The following FER1L6 variants were observed in gnomAD, a reference collection of about 807,000 sequenced individuals.
The protein encoded by FER1L6 is fer-1-like protein 6.
In FER1L6, 177 loss-of-function variants were observed where a neutral mutation model predicts 219.2. The observed-to-expected ratio is 0.81, with a 90% CI of 0.71 to 0.91. The LOEUF is 0.91. Ranked by LOEUF, FER1L6 falls within the 40% of genes least tolerant of loss-of-function variation. FER1L6 has a pLI of 0.00. For missense variants in FER1L6, 2,153 were observed against 2,259.9 expected, an observed-to-expected ratio of 0.95 and a Z score of 0.96; for synonymous variants, 768 against 824.3, an observed-to-expected ratio of 0.93 and a Z score of 1.17.
In FER1L6 at chr8:124,021,661, G is replaced by T. The variant is rs190330236; in HGVS notation, c.2125G>T (p.Val709Phe). 6.2e-7 allele frequency: 1 copy of T among 1,614,120 alleles called. No individual in the cohort carries two copies. Among genetic ancestry groups the T allele is most frequent in the South Asian group, 1.1e-5 (1 of 91,066 alleles). The stretch of plus-strand genomic sequence containing the variant: ...CTTTGTGGAAAAAATCCGCTTTCTT[G>T]TTGATGAGGTAACTGACTCTAAAGG... ...QNFVEKIRFL[V>F]DEPQHTIPDV... The change falls in exon 17 of 41, where the codon GTT becomes TTT. Residue 709 changes from valine to phenylalanine, a missense_variant. Physicochemically the swap from Val to Phe is conservative, Grantham distance 50 (BLOSUM62 -1). Coordinates refer to ENST00000522917, the MANE Select transcript of FER1L6 (RefSeq NM_001039112.2).
chr8:123,907,866 G>A (rs1209479986), intron 1 of FER1L6, among the ~76,000 whole-genome samples: 1 of 151,792 alleles, frequency 6.6e-6, no homozygotes, highest in African/African-American at 2.4e-5. Flanking sequence ...CAGAGGGGCA[G>A]TAAACTTACA....
At chr8:124,041,786 A>G (rs942182854) in intron 20 of FER1L6, among the ~76,000 whole-genome samples, 2 of 152,156 alleles carry the variant, frequency 1.3e-5, no homozygotes, top group African/African-American at 4.8e-5. Context: ...CTGTGTTTTG[A>G]GAGTTAGTAT....
At chr8:123,981,167 G>A (rs778998192) in intron 11 of FER1L6, among the ~76,000 whole-genome samples, 22 of 152,204 alleles carry the variant, frequency 1.4e-4, no homozygotes, top group Non-Finnish European at 3.1e-4. Flanking sequence ...CTTAGAGTAA[G>A]CTCCGGATGG....
At chr8:124,081,694 T>G (rs777776511) in intron 32 of FER1L6, among the ~76,000 whole-genome samples, 1 of 152,098 alleles carries the variant, frequency 6.6e-6, no homozygotes, top group Non-Finnish European at 1.5e-5. Context: ...CAATTCTATG[T>G]TTTTATAATT....
At chr8:124,059,888 G>A (rs1037392176) in intron 22 of FER1L6, among the ~76,000 whole-genome samples, 2 of 152,120 alleles carry the variant, frequency 1.3e-5, no homozygotes, top group African/African-American at 4.8e-5. Context: ...AAGTTGTAAA[G>A]ACCATCTTCC....
intron 12 of FER1L6, among the ~76,000 whole-genome samples, chr8:123,989,062 CT>C (rs148822985): frequency 0.028 from 4,291 of 152,054 alleles, 115 homozygotes; most frequent in African/African-American, 0.069. Context: ...TTATCAAATG[CT>C]TTTTCAACAT....
chr8:123,976,377 G>T (rs569747146), intron 9 of FER1L6, among the ~76,000 whole-genome samples: 1 of 152,174 alleles, frequency 6.6e-6, no homozygotes, highest in South Asian at 2.1e-4. Flanking sequence ...GGGCGTGGTG[G>T]TGCACCCCTG....
In FER1L6 at chr8:124,003,351, G is replaced by A. The variant is rs142694746; in HGVS notation, c.1700+4G>A. Reference sequence around the variant, plus strand: ...CACTGGTGACAGAAGGGAACAGGTAGGAGACATAGCCTGGGAGAACAGTCA... The same window carrying A: ...CACTGGTGACAGAAGGGAACAGGTAAGAGACATAGCCTGGGAGAACAGTCA... On this transcript the variant is annotated splice_donor_region_variant and intron_variant, in intron 13 of 40. Coordinates refer to ENST00000522917, the MANE Select transcript of FER1L6 (RefSeq NM_001039112.2). 4 of 1,604,496 alleles carry A rather than the reference G, an allele frequency of 2.5e-6. No homozygotes were observed. In the East Asian group the frequency reaches 9.0e-5, roughly 36 times the overall value.
chr8:123,949,470 G>A (rs1349005026), intron 1 of FER1L6, among the ~76,000 whole-genome samples: 1 of 152,160 alleles, frequency 6.6e-6, no homozygotes, highest in African/African-American at 2.4e-5. Flanking sequence ...TGTTCCTGAG[G>A]TTATAAACAT....
chr8:123,966,455 G>A (rs549914346), intron 5 of FER1L6, among the ~76,000 whole-genome samples, 165 bp downstream of exon 5: 1 of 152,248 alleles, frequency 6.6e-6, no homozygotes, highest in Admixed American at 6.5e-5. Flanking sequence ...GCCCCCTAAA[G>A]CTTTTCACAA....
intron 32 of FER1L6, among the ~76,000 whole-genome samples, chr8:124,077,647 G>C (rs760275642): frequency 9.9e-5 from 15 of 152,086 alleles, no homozygotes; most frequent in Non-Finnish European, 1.9e-4. Flanking sequence ...CTTTTTATGA[G>C]CTACTTTCAC....
Position 124,003,361 on chromosome 8 carries a change from C to T in FER1L6, c.1700+14C>T, listed in dbSNP as rs557894282. 7.6e-5 allele frequency: 122 copies of T among 1,595,148 alleles called. No homozygotes were observed. The Middle Eastern group carries it at 1.5e-3, about 19-fold the overall frequency. On this transcript the variant is annotated intron_variant, in intron 13 of 40. Transcript: ENST00000522917. ...AGAAGGGAACAGGTAGGAGACATAG[C>T]CTGGGAGAACAGTCAAGGATTTTGC...
chr8:124,037,331 C>G (rs1371722590), intron 19 of FER1L6, among the ~76,000 whole-genome samples: 5 of 152,184 alleles, frequency 3.3e-5, no homozygotes, highest in Admixed American at 6.5e-5. Context: ...TGCTAAGGAA[C>G]ACGTGGGCCA....
chr8:123,978,062 G>T (rs1816172086), intron 10 of FER1L6, among the ~76,000 whole-genome samples: 1 of 151,936 alleles, frequency 6.6e-6, no homozygotes, highest in African/African-American at 2.4e-5. Context: ...CTACTGTAGG[G>T]TCTGTGGTTT....
At chr8:123,883,804 T>A (rs1460561912) in intron 1 of FER1L6, among the ~76,000 whole-genome samples, 1 of 152,120 alleles carries the variant, frequency 6.6e-6, no homozygotes, top group Non-Finnish European at 1.5e-5. Context: ...GACAAACAGC[T>A]CTCTTGCAAC....
chr8:123,873,516 C>G (rs957910054), intron 1 of FER1L6, among the ~76,000 whole-genome samples: 1 of 152,034 alleles, frequency 6.6e-6, no homozygotes, highest in South Asian at 2.1e-4. Flanking sequence ...AAAAGTTTTA[C>G]TTTCTTCTCA....
chr8:124,003,401 C>A, intron 13 of FER1L6, 54 bp downstream of exon 13: 1 of 1,350,116 alleles, frequency 7.4e-7, no homozygotes, highest in Non-Finnish European at 1.0e-6. Context: ...GGAATTTTGT[C>A]CAGTTTCTAG....
At chr8:123,968,447 T>A (rs1347220547) in intron 5 of FER1L6, among the ~76,000 whole-genome samples, 2 of 152,142 alleles carry the variant, frequency 1.3e-5, no homozygotes. Context: ...GCTAGAAGAA[T>A]ATGTGTTGGC....
At chr8:123,899,698 C>T (rs923234185) in intron 1 of FER1L6, among the ~76,000 whole-genome samples, 4 of 152,062 alleles carry the variant, frequency 2.6e-5, no homozygotes, top group Non-Finnish European at 5.9e-5. Context: ...AGATGAGGAT[C>T]CAGTTTTATT....
Sources: gnomAD v4.1 joint callset for allele counts (sites outside exome capture counted in the v4.1 genomes callset) on GRCh38, gnomAD v4.1.1 for gene constraint, MANE v1.5 for transcripts, NCBI Gene and HGNC (gene_info 2026-07-23, HGNC 2026-07-21) for gene names.